The following AFG2A variants were observed in gnomAD, a reference collection of about 807,000 sequenced individuals.
AFG2A encodes ATPase family gene 2 protein homolog A.
the AFG2A span, among the ~76,000 whole-genome samples, chr4:123,022,265 A>G: frequency 6.6e-6 from 1 of 152,064 alleles, no homozygotes; most frequent in Non-Finnish European, 1.5e-5. Flanking sequence ...ACAGAATGGG[A>G]GAAAATTTTC....
At chr4:123,029,353 T>C in the AFG2A span, among the ~76,000 whole-genome samples, 1 of 152,126 alleles carries the variant, frequency 6.6e-6, no homozygotes, top group South Asian at 2.1e-4. Flanking sequence ...ATTACAGGCG[T>C]GAGCGACTGC....
the AFG2A span, among the ~76,000 whole-genome samples, chr4:122,946,288 C>CT: frequency 3.9e-5 from 6 of 152,310 alleles, no homozygotes; most frequent in South Asian, 1.0e-3. Flanking sequence ...GTTGGAGAAT[C>CT]TTAATTATTT....
the AFG2A span, among the ~76,000 whole-genome samples, chr4:122,988,739 C>G: frequency 2.6e-5 from 4 of 152,166 alleles, no homozygotes; most frequent in South Asian, 4.1e-4. Flanking sequence ...TCTGCTTCTT[C>G]TGGGTCTGTT....
At chr4:123,109,377 T>C in the AFG2A span, among the ~76,000 whole-genome samples, 3 of 152,146 alleles carry the variant, frequency 2.0e-5, no homozygotes, top group Non-Finnish European at 4.4e-5. Context: ...CTCTTGTGAG[T>C]GCTTTCACAC....
chr4:123,086,976 T>C, the AFG2A span, among the ~76,000 whole-genome samples: 17 of 152,222 alleles, frequency 1.1e-4, no homozygotes, highest in Non-Finnish European at 2.1e-4. Context: ...GTCTACTTTG[T>C]CCATTAGAAT....
chr4:123,235,782 C>G, the AFG2A span, among the ~76,000 whole-genome samples: 1 of 152,144 alleles, frequency 6.6e-6, no homozygotes, highest in Non-Finnish European at 1.5e-5. Context: ...AATTCCTTTT[C>G]TGCTTATGTT....
At chr4:122,982,210 T>C in the AFG2A span, among the ~76,000 whole-genome samples, 17 of 152,286 alleles carry the variant, frequency 1.1e-4, no homozygotes, top group African/African-American at 4.1e-4. Flanking sequence ...CATGAAAGGA[T>C]GTTGAATTTT....
At chr4:123,043,730 A>G in the AFG2A span, among the ~76,000 whole-genome samples, 3 of 152,222 alleles carry the variant, frequency 2.0e-5, no homozygotes, top group Non-Finnish European at 4.4e-5. Context: ...CAGGATTGTA[A>G]GATAAATGCC....
chr4:122,978,747 G>A, the AFG2A span, among the ~76,000 whole-genome samples: 1 of 152,208 alleles, frequency 6.6e-6, no homozygotes. Flanking sequence ...CCCAAAGTCT[G>A]GAGGGGACCA....
the AFG2A span, among the ~76,000 whole-genome samples, chr4:123,132,270 C>T: frequency 8.0e-4 from 122 of 152,074 alleles, no homozygotes; most frequent in Non-Finnish European, 1.2e-3. Flanking sequence ...GGTTTGTATC[C>T]TTTGACTAAT....
chr4:123,303,766 AAAAC>A, the AFG2A span, among the ~76,000 whole-genome samples: 2 of 151,988 alleles, frequency 1.3e-5, no homozygotes, highest in Non-Finnish European at 1.5e-5. Flanking sequence ...GTCTTCAACA[AAAAC>A]AAACAAACAA....
chr4:123,101,925 C>T, the AFG2A span, among the ~76,000 whole-genome samples: 1 of 151,842 alleles, frequency 6.6e-6, no homozygotes, highest in Non-Finnish European at 1.5e-5. Context: ...TTGCAGAGAT[C>T]TTAGTTTCTG....
At chr4:123,194,566 T>A in the AFG2A span, among the ~76,000 whole-genome samples, 1 of 152,206 alleles carries the variant, frequency 6.6e-6, no homozygotes, top group African/African-American at 2.4e-5. Context: ...AAAGCAAATC[T>A]GTCTTAATGA....
the AFG2A span, among the ~76,000 whole-genome samples, chr4:123,084,318 C>G: frequency 4.6e-5 from 7 of 151,726 alleles, no homozygotes; most frequent in East Asian, 1.9e-4. Flanking sequence ...GATTTCTGCT[C>G]TAATTTTTAT....
At chr4:123,127,054 C>G in the AFG2A span, among the ~76,000 whole-genome samples, 1 of 152,008 alleles carries the variant, frequency 6.6e-6, no homozygotes, top group African/African-American at 2.4e-5. Context: ...GACCTTGTCT[C>G]TACAAAAATT....
At chr4:123,249,874 C>T in the AFG2A span, among the ~76,000 whole-genome samples, 1 of 152,080 alleles carries the variant, frequency 6.6e-6, no homozygotes, top group African/African-American at 2.4e-5. Context: ...GAAATAGATA[C>T]CTAGAATAAA....
chr4:123,111,681 T>C, the AFG2A span, among the ~76,000 whole-genome samples: 2 of 152,216 alleles, frequency 1.3e-5, no homozygotes, highest in African/African-American at 4.8e-5. Context: ...TACTTTAATA[T>C]TATACAAGTA....
the AFG2A span, among the ~76,000 whole-genome samples, chr4:123,012,770 G>C: frequency 6.6e-6 from 1 of 152,172 alleles, no homozygotes; most frequent in Admixed American, 6.5e-5. Flanking sequence ...GTTAGTGAGA[G>C]AGGTTGGAGA....
chr4:123,257,235 A>G, the AFG2A span, among the ~76,000 whole-genome samples: 1 of 152,152 alleles, frequency 6.6e-6, no homozygotes, highest in African/African-American at 2.4e-5. Context: ...CCCAAGAACC[A>G]TAGATATAGA....
Sources: gnomAD v4.1 joint callset for allele counts (sites outside exome capture counted in the v4.1 genomes callset) on GRCh38, gnomAD v4.1.1 for gene constraint, MANE v1.5 for transcripts, NCBI Gene and HGNC (gene_info 2026-07-23, HGNC 2026-07-21) for gene names.